Variants in MATN2 observed in about 807,000 individuals in gnomAD.
MATN2 encodes matrilin 2.
A neutral mutation model predicts 103.2 loss-of-function variants in MATN2; 69 were observed. That is an observed-to-expected ratio of 0.67 (90% CI 0.55 to 0.82). MATN2 has a LOEUF of 0.82. Among genes scored for constraint, MATN2 ranks in the 40% least tolerant of loss-of-function variants. The pLI, the probability that MATN2 is intolerant of heterozygous loss-of-function variation, is 0.00. For missense variants in MATN2, 1,023 were observed against 1,211.5 expected, an observed-to-expected ratio of 0.84 and a Z score of 2.31; for synonymous variants, 429 against 450.2, an observed-to-expected ratio of 0.95 and a Z score of 0.60.
At chr8:97,910,346 C>T (rs1210565847) in intron 2 of MATN2, among the ~76,000 whole-genome samples, 3 of 152,262 alleles carry the variant, frequency 2.0e-5, no homozygotes, top group East Asian at 3.9e-4. Flanking sequence ...GTATGAGCCA[C>T]CATGCCTGGC....
chr8:97,981,612 AGAG>A (rs1368859012), intron 6 of MATN2, among the ~76,000 whole-genome samples: 3 of 152,208 alleles, frequency 2.0e-5, no homozygotes, highest in Non-Finnish European at 4.4e-5. Flanking sequence ...AGCAGGAGTT[AGAG>A]GAAGGAGACC....
At chr8:98,009,241 T>TCTC (rs1813078293) in intron 10 of MATN2, among the ~76,000 whole-genome samples, 1 of 152,082 alleles carries the variant, frequency 6.6e-6, no homozygotes, top group African/African-American at 2.4e-5. Flanking sequence ...ATTGAAGACT[T>TCTC]TCTGCCTGTC....
chr8:97,873,677 G>A (rs1817972594), intron 1 of MATN2, among the ~76,000 whole-genome samples: 4 of 152,190 alleles, frequency 2.6e-5, no homozygotes, highest in African/African-American at 9.7e-5. Context: ...GAGGGGTCAA[G>A]GCTATGGATC....
intron 5 of MATN2, among the ~76,000 whole-genome samples, chr8:97,968,891 G>A (rs1444081200): frequency 6.6e-6 from 1 of 152,288 alleles, no homozygotes. Context: ...TCTCAGTACC[G>A]GTTTTCTGTG....
Position 97,982,445 on chromosome 8 carries a change from C to T in MATN2, c.1081+3437C>T, listed in dbSNP as rs1274799860. On this transcript the variant is annotated intron_variant, in intron 6 of 18. Coordinates refer to ENST00000254898, the MANE Select transcript of MATN2 (RefSeq NM_002380.5). The surrounding 1 kb of genome is among the most constrained non-coding windows in gnomAD (Gnocchi z 4.3). The stretch of plus-strand genomic sequence containing the variant: ...TGAAAGATTTTTTTTTAAAATTCTA[C>T]TTCTTATACACTTGCAAAAAATGAA... 1.3e-5 allele frequency among the ~76,000 whole-genome samples: 2 copies of T among 152,110 alleles called. No homozygotes were observed. Among genetic ancestry groups the T allele is most frequent in the Non-Finnish European group, 2.9e-5 (2 of 68,018 alleles).
At chr8:98,023,361 T>C (rs754101243) in intron 13 of MATN2, among the ~76,000 whole-genome samples, 7 of 152,034 alleles carry the variant, frequency 4.6e-5, no homozygotes, top group Non-Finnish European at 8.8e-5. Flanking sequence ...AAGGAATACA[T>C]TAGATCGTGT....
chr8:98,027,388 T>C, intron 13 of MATN2, 28 bp from the exon 14 acceptor site: 1 of 1,545,078 alleles, frequency 6.5e-7, no homozygotes. Context: ...TTTATTCAAC[T>C]ATGTCAACTT....
chr8:97,992,672 G>A (rs979751137), intron 6 of MATN2, among the ~76,000 whole-genome samples: 3 of 149,944 alleles, frequency 2.0e-5, no homozygotes, highest in East Asian at 1.9e-4. Context: ...CCTGAACCTG[G>A]GCGGCAGAGG....
At chr8:98,032,753 A>G (rs1236018007) in intron 16 of MATN2, among the ~76,000 whole-genome samples, 1 of 152,058 alleles carries the variant, frequency 6.6e-6, no homozygotes, top group East Asian at 1.9e-4. Context: ...GCTGGTCTTG[A>G]ACTCCTGACC....
intron 4 of MATN2, among the ~76,000 whole-genome samples, chr8:97,960,249 G>C (rs1474442136): frequency 6.6e-6 from 1 of 152,150 alleles, no homozygotes; most frequent in African/African-American, 2.4e-5. Context: ...GAGCTACCAC[G>C]CCCGGCCAGT....
At chr8:97,894,879 C>T (rs867364848) in intron 2 of MATN2, among the ~76,000 whole-genome samples, 3 of 151,668 alleles carry the variant, frequency 2.0e-5, no homozygotes, top group Non-Finnish European at 4.4e-5. Context: ...ATTAACCCCC[C>T]CTTTTTTTTT....
intron 4 of MATN2, among the ~76,000 whole-genome samples, chr8:97,949,146 T>C (rs938352124): frequency 1.3e-5 from 2 of 150,790 alleles, no homozygotes; most frequent in African/African-American, 2.4e-5. Flanking sequence ...AGACAGGAGA[T>C]ATCACTATAC....
chr8:98,020,788 A>C (rs1411766208), intron 12 of MATN2, among the ~76,000 whole-genome samples: 9 of 152,190 alleles, frequency 5.9e-5, no homozygotes, highest in Non-Finnish European at 1.5e-5. Context: ...CCTTGAGAAT[A>C]ATTATCCCTG....
chr8:97,905,537 T>C (rs948519917), intron 2 of MATN2, among the ~76,000 whole-genome samples: 9 of 152,238 alleles, frequency 5.9e-5, no homozygotes, highest in African/African-American at 1.9e-4. Context: ...TTCATCCATG[T>C]TGTAGCATGT....
At chr8:97,981,710 T>TACCTAC (rs1371207131) in intron 6 of MATN2, among the ~76,000 whole-genome samples, 2 of 152,116 alleles carry the variant, frequency 1.3e-5, no homozygotes, top group Non-Finnish European at 2.9e-5. Flanking sequence ...CCTACCTGCC[T>TACCTAC]CTCCAGACTG....
intron 6 of MATN2, among the ~76,000 whole-genome samples, chr8:97,984,491 T>C (rs574765663): frequency 1.2e-4 from 19 of 152,232 alleles, no homozygotes; most frequent in Non-Finnish European, 2.6e-4. Context: ...GCTCAATGAA[T>C]GATTGGTTGG....
At chr8:97,993,837 C>T (rs540881852) in intron 6 of MATN2, among the ~76,000 whole-genome samples, 4 of 152,122 alleles carry the variant, frequency 2.6e-5, no homozygotes, top group African/African-American at 4.8e-5. Context: ...TGCTTAAATT[C>T]GATAAAACAC....
chr8:98,032,371 T>C, intron 16 of MATN2, 54 bp downstream of exon 16: 1 of 1,313,196 alleles, frequency 7.6e-7, no homozygotes, highest in Non-Finnish European at 1.1e-6. Context: ...AACCATGGTT[T>C]CCCTCCAGAT....
chr8:97,900,106 T>G (rs1586392003), intron 2 of MATN2, among the ~76,000 whole-genome samples: 1 of 152,148 alleles, frequency 6.6e-6, no homozygotes, highest in East Asian at 1.9e-4. Flanking sequence ...AGCCAAGAAT[T>G]AGAACGACTA....
Sources: allele counts gnomAD v4.1 joint callset (sites outside exome capture counted in the v4.1 genomes callset), GRCh38; gene constraint gnomAD v4.1.1; non-coding constraint Gnocchi (gnomAD v3.1); transcripts MANE v1.5; gene names NCBI Gene and HGNC (gene_info 2026-07-23, HGNC 2026-07-21).